LSAMP: variants seen among roughly 807,000 people sequenced by gnomAD.
LSAMP encodes limbic system-associated membrane protein.
LSAMP carries 7 observed loss-of-function variants against 38.6 expected under a neutral mutation model. The observed-to-expected ratio is 0.18, with a 90% confidence interval of 0.10 to 0.34. LSAMP has a LOEUF of 0.34. LSAMP is among the 10% of genes least tolerant of loss of function. The probability of loss-of-function intolerance (pLI) is 1.00; values close to 1 mark genes in which losing one functional copy is unlikely to be tolerated. For synonymous variants in LSAMP, 154 were observed against 166.8 expected, an observed-to-expected ratio of 0.92 and a Z score of 0.59; for missense variants, 313 against 420.0, an observed-to-expected ratio of 0.75 and a Z score of 2.23.
chr3:116,340,568 C>T (rs1181238182), intron 1 of LSAMP, among the ~76,000 whole-genome samples: 1 of 151,866 alleles, frequency 6.6e-6, no homozygotes, highest in Non-Finnish European at 1.5e-5. Context: ...CCAACATTTG[C>T]CCATATGAGG....
At chr3:115,869,197 A>T (rs912482859) in intron 3 of LSAMP, among the ~76,000 whole-genome samples, 1 of 151,922 alleles carries the variant, frequency 6.6e-6, no homozygotes, top group African/African-American at 2.4e-5. Flanking sequence ...ATAGCCATAA[A>T]CAAAAAGCCA....
rs574882020 is a variant in LSAMP, at chr3:116,141,524, C to G, written c.156-54968G>C. Among the ~76,000 whole-genome samples, 17 of 152,002 alleles carry G rather than the reference C, an allele frequency of 1.1e-4. No homozygotes were observed. The East Asian group carries it at 3.3e-3, about 30-fold the overall frequency. On this transcript the variant is annotated intron_variant, in intron 1 of 6. Transcript: ENST00000490035. Reference sequence around the variant, plus strand: ...CGTTTCTACCTCCTCCCCCAAATCCCAAGTTAAATTACAGAATGTGGCAGG... The same window carrying G: ...CGTTTCTACCTCCTCCCCCAAATCCGAAGTTAAATTACAGAATGTGGCAGG...
chr3:116,084,226 A>G (rs1415384708), intron 2 of LSAMP, among the ~76,000 whole-genome samples: 1 of 152,116 alleles, frequency 6.6e-6, no homozygotes, highest in Admixed American at 6.5e-5. Flanking sequence ...GCACTTCTCC[A>G]TCCCTTAAGT....
At chr3:116,381,045 C>T (rs1362180416) in intron 1 of LSAMP, among the ~76,000 whole-genome samples, 1 of 152,024 alleles carries the variant, frequency 6.6e-6, no homozygotes, top group African/African-American at 2.4e-5. Flanking sequence ...TCTTCATTGT[C>T]ACTCATATGG....
intron 3 of LSAMP, among the ~76,000 whole-genome samples, chr3:115,867,129 A>G (rs920619271): frequency 1.7e-4 from 26 of 151,970 alleles, no homozygotes; most frequent in Admixed American, 1.6e-3. Context: ...CATTCTCACT[A>G]ACATATAAGT....
intron 1 of LSAMP, among the ~76,000 whole-genome samples, chr3:116,422,080 G>C (rs1455713511): frequency 6.6e-6 from 1 of 152,116 alleles, no homozygotes; most frequent in Non-Finnish European, 1.5e-5. Flanking sequence ...CTACACAATG[G>C]AATACTATTT....
chr3:116,005,349 G>A lies in LSAMP; in HGVS notation c.514+14166C>T, dbSNP rs1048762932. On this transcript the variant is annotated intron_variant, in intron 3 of 6. Coordinates refer to ENST00000490035, the MANE Select transcript of LSAMP (RefSeq NM_002338.5). ...GAGGACTGTATTTATGATCAGGTCA[G>A]AAGCAAGATTCAGTCCTTACAGACT... Among the ~76,000 whole-genome samples, 6 of 152,154 alleles carry A rather than the reference G, an allele frequency of 3.9e-5. No homozygotes were observed. The South Asian group carries it at 1.0e-3, about 26-fold the overall frequency.
At chr3:116,425,096 T>C (rs1265702117) in intron 1 of LSAMP, among the ~76,000 whole-genome samples, 2 of 151,868 alleles carry the variant, frequency 1.3e-5, no homozygotes, top group African/African-American at 4.8e-5. Flanking sequence ...CTCTAAATCA[T>C]AAAACATTTG....
intron 1 of LSAMP, among the ~76,000 whole-genome samples, chr3:116,436,385 AG>A: frequency 6.6e-6 from 1 of 152,354 alleles, no homozygotes; most frequent in East Asian, 1.9e-4. Context: ...GCACAGCAAA[AG>A]GAACAGTCAG....
chr3:116,102,231 G>T (rs1213498048), intron 1 of LSAMP, among the ~76,000 whole-genome samples: 2 of 152,140 alleles, frequency 1.3e-5, no homozygotes. Flanking sequence ...AGGAGGCACT[G>T]TAGTTATTCA....
At chr3:116,078,441 C>G (rs925420198) in intron 2 of LSAMP, among the ~76,000 whole-genome samples, 14 of 152,040 alleles carry the variant, frequency 9.2e-5, no homozygotes, top group Non-Finnish European at 1.6e-4. Flanking sequence ...TATCCTGCCT[C>G]AGCCTCCCGA....
intron 1 of LSAMP, among the ~76,000 whole-genome samples, chr3:116,302,195 T>A (rs2047419346): frequency 6.6e-6 from 1 of 152,216 alleles, no homozygotes; most frequent in Admixed American, 6.5e-5. Flanking sequence ...AATAATGTGT[T>A]CAGTTTATTT....
chr3:115,954,160 T>G (rs988441637), intron 3 of LSAMP, among the ~76,000 whole-genome samples: 4 of 152,224 alleles, frequency 2.6e-5, no homozygotes, highest in African/African-American at 9.6e-5. Flanking sequence ...CTTATTTATT[T>G]TTTTACTATA....
chr3:116,281,200 G>C (rs907266232), intron 1 of LSAMP, among the ~76,000 whole-genome samples: 5 of 152,134 alleles, frequency 3.3e-5, no homozygotes, highest in Admixed American at 2.6e-4. Context: ...TGTTTGAAGA[G>C]GGGAAAAGAA....
chr3:116,163,182 G>A (rs943983232), intron 1 of LSAMP, among the ~76,000 whole-genome samples: 3 of 148,650 alleles, frequency 2.0e-5, no homozygotes, highest in Admixed American at 1.3e-4. Context: ...CCATTAACTC[G>A]TCATTTAGCA....
intron 1 of LSAMP, among the ~76,000 whole-genome samples, chr3:116,401,135 C>A (rs2048836031): frequency 6.6e-6 from 1 of 152,194 alleles, no homozygotes; most frequent in African/African-American, 2.4e-5. Context: ...TATTGCTCAC[C>A]TAATATCCCT....
chr3:116,357,463 A>G (rs145834941), intron 1 of LSAMP, among the ~76,000 whole-genome samples: 2 of 152,248 alleles, frequency 1.3e-5, no homozygotes, highest in East Asian at 3.9e-4. Context: ...GGTTATTCCA[A>G]AGCATGTACA....
At chr3:115,909,451 C>T (rs1469546745) in intron 3 of LSAMP, among the ~76,000 whole-genome samples, 1 of 152,076 alleles carries the variant, frequency 6.6e-6, no homozygotes. Context: ...GTTGCTGTTC[C>T]CTTGGTGTCA....
chr3:115,888,171 A>C (rs1936504846), intron 3 of LSAMP, among the ~76,000 whole-genome samples: 1 of 151,996 alleles, frequency 6.6e-6, no homozygotes, highest in Non-Finnish European at 1.5e-5. Context: ...TTTGATTTAG[A>C]AAGCAGCATA....
Sources: allele counts gnomAD v4.1 joint callset (sites outside exome capture counted in the v4.1 genomes callset), GRCh38; gene constraint gnomAD v4.1.1; transcripts MANE v1.5; gene names NCBI Gene and HGNC (gene_info 2026-07-23, HGNC 2026-07-21).